Variants in MYT1L observed in about 807,000 individuals in gnomAD.
MYT1L encodes the protein myelin transcription factor 1 like, also known as myelin transcription factor 1-like protein.
Under a neutral mutation model 126.7 loss-of-function variants are expected in MYT1L, and 12 were observed. That is an observed-to-expected ratio of 0.09 (90% CI 0.06 to 0.15). MYT1L has a LOEUF of 0.15. MYT1L is among the 10% of genes least tolerant of loss of function. The pLI, the probability that MYT1L is intolerant of heterozygous loss-of-function variation, is 1.00. For synonymous variants in MYT1L, 541 were observed against 604.2 expected (o/e 0.90, Z 1.53); for missense variants, 979 against 1,585.2 (o/e 0.62, Z 6.49).
Position 1,848,401 on chromosome 2 carries a change from G to A in MYT1L, c.2774+3240C>T, listed in dbSNP as rs550179031. Among the ~76,000 whole-genome samples the A allele has an allele frequency of 1.2e-4, 18 of 151,324 alleles. No individual in the cohort carries two copies. The highest frequency in any genetic ancestry group is 1.6e-4 in the Non-Finnish European group (11 of 67,996). ...ATTCCAGACACCACAGGTGCGCGAGGCGGATCTGTGCTCTGAACAGGTTCA... is the reference window on the plus strand; with the variant it reads ...ATTCCAGACACCACAGGTGCGCGAGACGGATCTGTGCTCTGAACAGGTTCA... On this transcript the variant is annotated intron_variant, in intron 19 of 24. Coordinates refer to ENST00000647738, the MANE Select transcript of MYT1L (RefSeq NM_001303052.2). This position sits in a 1 kb window ranked among gnomAD's most constrained non-coding sequence, Gnocchi z 4.8.
chr2:2,248,524 CT>C (rs2094576710), intron 2 of MYT1L, among the ~76,000 whole-genome samples: 1 of 152,068 alleles, frequency 6.6e-6, no homozygotes, highest in African/African-American at 2.4e-5. Context: ...CAAACTCCTT[CT>C]ATGAGGCCAG....
At chr2:2,196,840 G>A (rs2148789322) in intron 2 of MYT1L, among the ~76,000 whole-genome samples, 1 of 152,058 alleles carries the variant, frequency 6.6e-6, no homozygotes, top group East Asian at 1.9e-4. Context: ...GTAAACTGGA[G>A]AATGCAACCC....
chr2:2,291,722 G>A (rs949252190), intron 1 of MYT1L, among the ~76,000 whole-genome samples: 6 of 152,212 alleles, frequency 3.9e-5, no homozygotes, highest in Non-Finnish European at 8.8e-5. Flanking sequence ...AGCTTCCCTT[G>A]CCACGTGCAG....
At chr2:2,180,878 G>T (rs577586313) in intron 2 of MYT1L, among the ~76,000 whole-genome samples, 1 of 150,902 alleles carries the variant, frequency 6.6e-6, no homozygotes, top group African/African-American at 2.5e-5. Flanking sequence ...ACCTGTATCC[G>T]TACCTGTGTG....
At chr2:1,846,504 G>C (rs973613250) in intron 19 of MYT1L, among the ~76,000 whole-genome samples, 2 of 152,120 alleles carry the variant, frequency 1.3e-5, no homozygotes, top group Admixed American at 1.3e-4. Flanking sequence ...GGAGGGAAAG[G>C]CTGGGGGTGA....
intron 18 of MYT1L, among the ~76,000 whole-genome samples, chr2:1,884,864 A>C (rs1405707267): frequency 6.6e-6 from 1 of 152,190 alleles, no homozygotes; most frequent in East Asian, 1.9e-4. Context: ...CCCTCGGAAA[A>C]TGCTAAAGGT....
intron 3 of MYT1L, among the ~76,000 whole-genome samples, chr2:2,133,288 G>A (rs767050040): frequency 6.6e-6 from 1 of 152,124 alleles, no homozygotes; most frequent in Admixed American, 6.5e-5. Context: ...TCAATCAAGC[G>A]CAACTTCTCC....
intron 3 of MYT1L, among the ~76,000 whole-genome samples, chr2:2,118,975 T>C (rs753581078): frequency 6.6e-6 from 1 of 152,268 alleles, no homozygotes; most frequent in African/African-American, 2.4e-5. Flanking sequence ...CCAGGGCGCA[T>C]GGTTGCTTCC....
At chr2:1,956,191 G>GTCTGTCTGTCTGTCTATCTATCTA (rs1553354694) in intron 8 of MYT1L, among the ~76,000 whole-genome samples, 27 of 145,876 alleles carry the variant, frequency 1.9e-4, no homozygotes, top group Non-Finnish European at 2.2e-4. Context: ...TTACCTAGCT[G>GTCTGTCTGTCTGTCTATCTATCTA]TCTATCTATC....
intron 8 of MYT1L, among the ~76,000 whole-genome samples, chr2:1,968,802 G>A (rs113189618): frequency 0.011 from 1,624 of 152,298 alleles, 12 homozygotes; most frequent in Non-Finnish European, 0.015. Flanking sequence ...ACAGCCAGGC[G>A]GCCACAGTGC....
intron 2 of MYT1L, among the ~76,000 whole-genome samples, chr2:2,179,940 C>G (rs2091229149): frequency 6.6e-6 from 1 of 152,208 alleles, no homozygotes; most frequent in African/African-American, 2.4e-5. Context: ...TTAGATCATT[C>G]TGGCCCTCAG....
chr2:2,154,695 G>A (rs992103042), intron 3 of MYT1L, among the ~76,000 whole-genome samples: 2 of 152,200 alleles, frequency 1.3e-5, no homozygotes, highest in African/African-American at 4.8e-5. Context: ...AGAGTGATAG[G>A]AGGGAGAGGA....
At chr2:2,069,549 T>C (rs191968138) in intron 3 of MYT1L, among the ~76,000 whole-genome samples, 2 of 152,276 alleles carry the variant, frequency 1.3e-5, no homozygotes, top group African/African-American at 4.8e-5. Context: ...CATGTGTCTT[T>C]ATAGTAGAAT....
At chr2:1,891,957 C>T (rs2148874455) in intron 15 of MYT1L, 80 bp downstream of exon 15, 11 of 1,439,752 alleles carry the variant, frequency 7.6e-6, no homozygotes, top group South Asian at 1.5e-5. Flanking sequence ...GCCCCGAAAG[C>T]GCCGCGTGTC....
intron 8 of MYT1L, among the ~76,000 whole-genome samples, chr2:1,962,711 T>C (rs2059054407): frequency 6.6e-6 from 1 of 152,214 alleles, no homozygotes; most frequent in South Asian, 2.1e-4. Flanking sequence ...AATCCTATGT[T>C]GTCATTTCAA....
intron 2 of MYT1L, among the ~76,000 whole-genome samples, chr2:2,182,535 G>A (rs953343750): frequency 6.6e-6 from 1 of 152,136 alleles, no homozygotes; most frequent in Admixed American, 6.5e-5. Flanking sequence ...TTTTCAGTCT[G>A]TATTTCACAA....
intron 3 of MYT1L, among the ~76,000 whole-genome samples, chr2:2,119,187 C>CA (rs1208746628): frequency 6.6e-6 from 1 of 151,466 alleles, no homozygotes; most frequent in Admixed American, 6.6e-5. Context: ...TTGACCTGGC[C>CA]AAAAAAAATT....
At chr2:2,022,623 C>G (rs1173687726) in intron 4 of MYT1L, among the ~76,000 whole-genome samples, 1 of 151,930 alleles carries the variant, frequency 6.6e-6, no homozygotes, top group East Asian at 1.9e-4. Context: ...CCAAGATGCC[C>G]GCTTGGGCCT....
At position 1,943,674 on chromosome 2, in the gene MYT1L, A is replaced by G. The variant is rs1558487077; in HGVS notation, c.153-340T>C. Among the ~76,000 whole-genome samples, 1 of 152,228 alleles carries G rather than the reference A, an allele frequency of 6.6e-6. No homozygotes were observed. Among genetic ancestry groups the G allele is most frequent in the Non-Finnish European group, 1.5e-5 (1 of 68,040 alleles). On this transcript the variant is annotated intron_variant, in intron 8 of 24. Transcript: ENST00000647738. The surrounding 1 kb of genome is among the most constrained non-coding windows in gnomAD (Gnocchi z 4.4). ...GTGTATAACATGTAATTGACAATAC[A>G]AATTTATGAAACATTTTACCAAATA...
Sources: allele counts gnomAD v4.1 joint callset (sites outside exome capture counted in the v4.1 genomes callset), GRCh38; gene constraint gnomAD v4.1.1; non-coding constraint Gnocchi (gnomAD v3.1); transcripts MANE v1.5; gene names NCBI Gene and HGNC (gene_info 2026-07-23, HGNC 2026-07-21).